The following CUX1 variants were observed in gnomAD, a reference collection of about 807,000 sequenced individuals.
The protein encoded by CUX1 is protein CASP.
Under a neutral mutation model 158.8 loss-of-function variants are expected in CUX1, and 31 were observed. The ratio of observed to expected loss-of-function variants is 0.20; its 90% CI spans 0.15 to 0.26. The LOEUF is 0.26. Among genes scored for constraint, CUX1 ranks in the 10% least tolerant of loss-of-function variants. The pLI is 1.00. For missense variants in CUX1, 1,589 were observed against 2,014.6 expected (o/e 0.79, Z 4.04); for synonymous variants, 879 against 862.1 (o/e 1.02, Z -0.34).
chr7:102,171,170 T>G (rs1554510319), intron 10 of CUX1, among the ~76,000 whole-genome samples: 1 of 152,074 alleles, frequency 6.6e-6, no homozygotes, highest in Non-Finnish European at 1.5e-5. Context: ...CAATGCTGTA[T>G]AGGGACAAGG....
intron 6 of CUX1, among the ~76,000 whole-genome samples, chr7:102,106,044 TC>T (rs1273217884): frequency 1.1e-4 from 17 of 151,378 alleles, no homozygotes; most frequent in Non-Finnish European, 2.4e-4. Flanking sequence ...TCAGTTGACT[TC>T]CTATGCTGAA....
At chr7:101,988,137 G>T (rs571912625) in intron 2 of CUX1, among the ~76,000 whole-genome samples, 3 of 152,080 alleles carry the variant, frequency 2.0e-5, no homozygotes, top group Non-Finnish European at 4.4e-5. Context: ...ACTTGAACCC[G>T]GGAGGCAGAG....
At chr7:102,031,373 G>T (rs1160047794) in intron 3 of CUX1, among the ~76,000 whole-genome samples, 1 of 150,998 alleles carries the variant, frequency 6.6e-6, no homozygotes, top group Non-Finnish European at 1.5e-5. Flanking sequence ...TGATTTTTTT[G>T]TTTGTTTGTT....
chr7:101,915,907 A>G (rs144740157), intron 1 of CUX1, among the ~76,000 whole-genome samples: 90 of 152,280 alleles, frequency 5.9e-4, no homozygotes, highest in African/African-American at 1.9e-3. Flanking sequence ...TTTCTCAACC[A>G]CTTCACATGG....
intron 4 of CUX1, among the ~76,000 whole-genome samples, chr7:102,080,722 C>A (rs1431246144): frequency 1.3e-5 from 2 of 152,216 alleles, no homozygotes; most frequent in Non-Finnish European, 2.9e-5. Context: ...CTCTGCAGCT[C>A]TTCTGAGATC....
At chr7:102,160,213 C>T (rs1288106741) in intron 9 of CUX1, among the ~76,000 whole-genome samples, 2 of 151,892 alleles carry the variant, frequency 1.3e-5, no homozygotes, top group Non-Finnish European at 2.9e-5. Flanking sequence ...AAGGAGTTAC[C>T]TTCATCATAG....
intron 11 of CUX1, among the ~76,000 whole-genome samples, chr7:102,183,029 G>C (rs782619003): frequency 2.0e-5 from 3 of 152,174 alleles, no homozygotes; most frequent in Admixed American, 1.3e-4. Context: ...CTGAGGTTCT[G>C]ATGGGTCCCA....
At chr7:102,004,541 T>C (rs1431195172) in intron 2 of CUX1, among the ~76,000 whole-genome samples, 1 of 152,200 alleles carries the variant, frequency 6.6e-6, no homozygotes, top group Admixed American at 6.5e-5. Flanking sequence ...AAGAGTGTTC[T>C]GGGCTTCTAA....
chr7:102,140,689 G>A (rs562134531), intron 8 of CUX1, among the ~76,000 whole-genome samples: 3 of 151,830 alleles, frequency 2.0e-5, no homozygotes, highest in South Asian at 2.1e-4. Flanking sequence ...GTGAAACCCC[G>A]TCTCTACTAA....
In CUX1 at chr7:102,178,538, G is replaced by A. The variant is rs782640938; in HGVS notation, c.898G>A (p.Ala300Thr). Residue 300 changes from alanine to threonine, a missense_variant, in exon 11 of 24, where the codon GCA becomes ACA. By Grantham distance (58) the Ala-to-Thr change is moderately conservative. Around this residue, in one of 8 missense-constraint regions of CUX1, gnomAD observed 515 missense variants for 574.4 expected, o/e 0.90. Coordinates refer to ENST00000292535, the MANE Select transcript of CUX1 (RefSeq NM_181552.4). ...VELAAKEREI[A>T]QLVEDVQRLQ... is the part of the protein sequence containing the mutation. ...GTTGGCCGCCAAGGAGCGGGAGATC[G>A]CACAGCTGGTGGAGGACGTGCAGAG... The A allele has an allele frequency of 1.4e-5, 22 of 1,613,384 alleles. No individual in the cohort carries two copies. The South Asian group carries it at 1.9e-4, about 14-fold the overall frequency.
intron 2 of CUX1, among the ~76,000 whole-genome samples, chr7:101,972,135 T>G (rs1275977260): frequency 1.3e-5 from 2 of 151,910 alleles, no homozygotes; most frequent in Non-Finnish European, 2.9e-5. Flanking sequence ...CCCAGCTAAT[T>G]TTTTGTATTT....
Position 102,070,373 on chromosome 7 carries a change from A to G in CUX1, c.224A>G (p.Glu75Gly), listed in dbSNP as rs1361406242. 1 of 1,610,126 alleles carries G rather than the reference A, an allele frequency of 6.2e-7. No homozygotes were observed. The highest frequency in any genetic ancestry group is 8.5e-7 in the Non-Finnish European group (1 of 1,179,142). The change falls in exon 4 of 24, where the codon GAA (glutamate) becomes GGA (glycine). Residue 75 changes from glutamate to glycine, a missense_variant. Glu to Gly is a moderately conservative substitution (Grantham distance 98). Around this residue, in one of 8 missense-constraint regions of CUX1, gnomAD observed 63 missense variants for 109.2 expected, o/e 0.58. Coordinates refer to ENST00000292535, the MANE Select transcript of CUX1 (RefSeq NM_181552.4). ...CTGAGTAAAAGAAGCAAGGAAGCTG[A>G]AGCAGCTTTCTTGAATGTCTACAAA... ...DALSKRSKEAEAAFLNVYKRL... is the reference protein window; with the variant it reads ...DALSKRSKEAGAAFLNVYKRL...
intron 8 of CUX1, among the ~76,000 whole-genome samples, chr7:102,140,599 C>T (rs1202484442): frequency 6.6e-6 from 1 of 151,712 alleles, no homozygotes; most frequent in Non-Finnish European, 1.5e-5. Flanking sequence ...GTGACACACA[C>T]CTGTAATCCC....
chr7:102,110,668 T>C (rs1223069621), intron 6 of CUX1, among the ~76,000 whole-genome samples: 2 of 152,238 alleles, frequency 1.3e-5, no homozygotes, highest in African/African-American at 4.8e-5. Flanking sequence ...ATTTCTATTA[T>C]GCTATAGTGT....
Position 102,248,940 on chromosome 7 carries a change from C to T in CUX1, c.4416C>T (p.Arg1472=), listed in dbSNP as rs782712032. ...AGGCCGCGGGCGCCCGGGACTCGCG[C>T]GACAACCCCCTGCGCAAGAAGAAGG... The part of the protein sequence containing the change: ...LPEAAGARDS[R]DNPLRKKKAA... Residue 1472 remains arginine (R), a synonymous_variant, in exon 24 of 24, where the codon CGC becomes CGT. Coordinates refer to ENST00000292535, the MANE Select transcript of CUX1 (RefSeq NM_181552.4). This position sits in a 1 kb window ranked among gnomAD's most constrained non-coding sequence, Gnocchi z 5.8. 2.0e-6 allele frequency: 3 copies of T among 1,482,646 alleles called. No homozygotes were observed. The East Asian group carries it at 8.5e-5, about 42-fold the overall frequency. 91.8% of individuals were successfully genotyped at this position (1,482,646 alleles called of 1,614,324 possible). A position where few individuals can be genotyped will look rare whatever the true frequency, so the allele number is the denominator to read the frequency against.
rs1252859103 is a variant in CUX1, at chr7:101,916,324, C to T, written c.141+99C>T. 15 of 774,694 alleles carry T rather than the reference C, an allele frequency of 1.9e-5. No individual in the cohort carries two copies. The highest frequency in any genetic ancestry group is 7.2e-5 in the South Asian group (5 of 69,920). 48.0% of individuals were successfully genotyped at this position (774,694 alleles called of 1,614,324 possible). ...GAGCGTTTCATTTTCATCAGATGAA[C>T]GCACGGCCGGCAAACAACCCGTTTC... On this transcript the variant is annotated intron_variant, in intron 2 of 23. Transcript: ENST00000292535. The surrounding 1 kb of genome is among the most constrained non-coding windows in gnomAD (Gnocchi z 4.4).
chr7:101,864,045 T>G (rs1027752756), intron 1 of CUX1, among the ~76,000 whole-genome samples: 2 of 152,198 alleles, frequency 1.3e-5, no homozygotes, highest in Non-Finnish European at 2.9e-5. Context: ...TTCGTTTCTT[T>G]TGAGTTTATA....
chr7:102,079,823 A>C (rs1284794534), intron 4 of CUX1, among the ~76,000 whole-genome samples: 1 of 152,170 alleles, frequency 6.6e-6, no homozygotes, highest in African/African-American at 2.4e-5. Context: ...GTGGCGGATA[A>C]TGTGCTGACT....
At chr7:102,140,205 A>G (rs954089513) in intron 8 of CUX1, among the ~76,000 whole-genome samples, 13 of 152,112 alleles carry the variant, frequency 8.5e-5, no homozygotes, top group Admixed American at 5.9e-4. Flanking sequence ...GGTGTGACTA[A>G]GACATGCTCT....
Sources: allele counts gnomAD v4.1 joint callset (sites outside exome capture counted in the v4.1 genomes callset), GRCh38; gene constraint gnomAD v4.1.1; regional missense constraint gnomAD v4.1.1; non-coding constraint Gnocchi (gnomAD v3.1); transcripts MANE v1.5; gene names NCBI Gene and HGNC (gene_info 2026-07-23, HGNC 2026-07-21).